VPS13D: variants seen among roughly 807,000 people sequenced by gnomAD.
VPS13D encodes the protein intermembrane lipid transfer protein VPS13D.
Under a neutral mutation model 461.9 loss-of-function variants are expected in VPS13D, and 187 were observed. The observed-to-expected ratio is 0.40, with a 90% CI of 0.36 to 0.46. The LOEUF (loss-of-function observed/expected upper bound fraction) is 0.46, where lower values mean the gene tolerates loss of function less well. Ranked by LOEUF, VPS13D falls within the 20% of genes least tolerant of loss-of-function variation. VPS13D has a pLI of 0.60. For synonymous variants in VPS13D, 1,951 were observed against 1,986.3 expected, an observed-to-expected ratio of 0.98 and a Z score of 0.47; for missense variants, 4,711 against 5,364.9, an observed-to-expected ratio of 0.88 and a Z score of 3.81.
intron 60 of VPS13D, among the ~76,000 whole-genome samples, chr1:12,389,760 GGT>G (rs1644398914): frequency 6.6e-6 from 1 of 152,146 alleles, no homozygotes; most frequent in Non-Finnish European, 1.5e-5. Flanking sequence ...ATTTTTTCCT[GGT>G]GGAGTGACCC....
intron 2 of VPS13D, among the ~76,000 whole-genome samples, chr1:12,242,091 C>T (rs962156160): frequency 6.6e-6 from 1 of 152,030 alleles, no homozygotes; most frequent in Admixed American, 6.6e-5. Flanking sequence ...AAGGAGAATA[C>T]GCAACAGACA....
At chr1:12,385,454 TTTTC>T in intron 59 of VPS13D, 81 bp downstream of exon 59, 2 of 1,156,094 alleles carry the variant, frequency 1.7e-6, no homozygotes, top group Non-Finnish European at 2.5e-6. Context: ...AGACCTTCTG[TTTTC>T]TTTCTATCCT....
At chr1:12,463,177 G>A (rs1029926607) in intron 67 of VPS13D, among the ~76,000 whole-genome samples, 6 of 152,192 alleles carry the variant, frequency 3.9e-5, no homozygotes, top group African/African-American at 1.4e-4. Flanking sequence ...TTGAGGCACA[G>A]CCGGTCTTCA....
intron 41 of VPS13D, 65 bp from the exon 42 acceptor site, chr1:12,342,834 G>A: frequency 6.5e-7 from 1 of 1,528,356 alleles, no homozygotes; most frequent in South Asian, 1.3e-5. Context: ...CTTCTGCACG[G>A]GGCTCCTGTG....
Position 12,506,868 on chromosome 1 carries a change from G to T in VPS13D, c.12810G>T (p.Glu4270Asp). The change falls in exon 69 of 70, where the codon GAG (glutamate) becomes GAT (aspartate). Residue 4270 changes from glutamate (E) to aspartate (D), a missense_variant. Coordinates refer to ENST00000620676, the MANE Select transcript of VPS13D (RefSeq NM_015378.4). ...CGCTTTGCAGCTTCATCGCTGTGGAGAACATTGACAGCTACTGCGTGCTCA... is the reference window on the plus strand; with the variant it reads ...CGCTTTGCAGCTTCATCGCTGTGGATAACATTGACAGCTACTGCGTGCTCA... ...NIQDEFFIAV[E>D]NIDSYCVLIS... 6.2e-7 allele frequency: 1 copy of T among 1,614,240 alleles called. No individual in the cohort carries two copies. Among genetic ancestry groups the T allele is most frequent in the Non-Finnish European group, 8.5e-7 (1 of 1,180,032 alleles).
Position 12,261,943 on chromosome 1 carries a change from T to C in VPS13D, c.1457T>C (p.Met486Thr), listed in dbSNP as rs1378870198. The C allele has an allele frequency of 1.1e-5, 17 of 1,613,832 alleles. No homozygotes were observed. In the South Asian group the frequency reaches 1.8e-4, roughly 17 times the overall value. The change falls in exon 13 of 70, where the codon ATG (methionine) becomes ACG (threonine). Residue 486 changes from methionine (M) to threonine (T), a missense_variant. Transcript: ENST00000620676. Reference protein sequence around the residue: ...FFDPTADASCMNTYTKRDHVF... With the variant: ...FFDPTADASCTNTYTKRDHVF... ...GACCCCACTGCAGATGCCTCGTGTA[T>C]GAACACGTATACAAAGCGAGATCAT... is the stretch of plus-strand genomic sequence containing the variant.
At chr1:12,242,614 A>G (rs1312196034) in intron 3 of VPS13D, 24 bp downstream of exon 3, 2 of 1,602,064 alleles carry the variant, frequency 1.2e-6, no homozygotes, top group Admixed American at 1.7e-5. Flanking sequence ...AAGGAGGGGG[A>G]AGAAATTTGA....
intron 6 of VPS13D, chr1:12,249,569 A>G: frequency 2.8e-6 from 1 of 362,712 alleles, no homozygotes; most frequent in Non-Finnish European, 4.9e-6. Flanking sequence ...ATACATGAAG[A>G]AACTGAGGGG....
At chr1:12,412,291 C>T (rs1238354440) in intron 63 of VPS13D, among the ~76,000 whole-genome samples, 2 of 152,178 alleles carry the variant, frequency 1.3e-5, no homozygotes, top group African/African-American at 4.8e-5. Context: ...TTTTTGGAAG[C>T]AAATTGACAA....
At chr1:12,488,703 T>C (rs912632835) in intron 67 of VPS13D, among the ~76,000 whole-genome samples, 33 of 134,234 alleles carry the variant, frequency 2.5e-4, no homozygotes, top group Non-Finnish European at 1.1e-4. Context: ...GTAGTGAAAA[T>C]GTATGGTTTA....
intron 65 of VPS13D, among the ~76,000 whole-genome samples, chr1:12,419,307 A>C (rs1453408541): frequency 6.6e-6 from 1 of 152,212 alleles, no homozygotes; most frequent in Non-Finnish European, 1.5e-5. Flanking sequence ...TCTTGCCTTT[A>C]ATAAGCTACT....
intron 60 of VPS13D, among the ~76,000 whole-genome samples, chr1:12,398,498 G>A (rs1330212608): frequency 2.6e-5 from 4 of 152,142 alleles, no homozygotes; most frequent in African/African-American, 7.2e-5. Flanking sequence ...ATATGATAGG[G>A]GGTGTGTGGA....
chr1:12,370,377 T>C (rs1356794918), intron 54 of VPS13D, among the ~76,000 whole-genome samples: 1 of 152,192 alleles, frequency 6.6e-6, no homozygotes, highest in Non-Finnish European at 1.5e-5. Context: ...TGTGAAGAAA[T>C]GGAAAATAGC....
In VPS13D at chr1:12,311,983, T is replaced by G. The variant is rs544078171; in HGVS notation, c.6935+58T>G. On this transcript the variant is annotated intron_variant, in intron 29 of 69. Coordinates refer to ENST00000620676, the MANE Select transcript of VPS13D (RefSeq NM_015378.4). ...TAACAGTATCCAAATAATACACATG[T>G]TTTGCATTGACACAGAGCAGAGGTT... is the stretch of plus-strand genomic sequence containing the variant. The G allele has an allele frequency of 2.2e-4, 310 of 1,416,650 alleles. 3 individuals are homozygous for G. The South Asian group carries it at 3.6e-3, about 16-fold the overall frequency. 87.8% of individuals were successfully genotyped at this position (1,416,650 alleles called of 1,614,324 possible). A position where few individuals can be genotyped will look rare whatever the true frequency, so the allele number is the denominator to read the frequency against.
intron 65 of VPS13D, among the ~76,000 whole-genome samples, chr1:12,437,911 G>C (rs184738740): frequency 1.3e-5 from 2 of 152,252 alleles, no homozygotes; most frequent in African/African-American, 4.8e-5. Context: ...TGGGCCCTTT[G>C]ACTCCTAAAA....
chr1:12,504,483 T>A (rs1646077949), intron 68 of VPS13D, among the ~76,000 whole-genome samples: 2 of 152,272 alleles, frequency 1.3e-5, no homozygotes, highest in African/African-American at 4.8e-5. Context: ...GTGACAGCAC[T>A]GCCTTCCTCC....
At chr1:12,413,477 GAGAA>G (rs971180832) in intron 63 of VPS13D, among the ~76,000 whole-genome samples, 2 of 152,012 alleles carry the variant, frequency 1.3e-5, no homozygotes, top group Non-Finnish European at 2.9e-5. Context: ...TTCTGTTTTT[GAGAA>G]AGAAAGAGTG....
chr1:12,259,056 T>G (rs543778790), intron 10 of VPS13D, among the ~76,000 whole-genome samples: 14 of 152,080 alleles, frequency 9.2e-5, no homozygotes, highest in Admixed American at 2.6e-4. Context: ...TTTTTTTTTT[T>G]TGTGTGACAA....
Position 12,291,011 on chromosome 1 carries a change from C to T in VPS13D, c.5739C>T (p.Ala1913=), listed in dbSNP as rs762903086. 5.0e-6 allele frequency: 8 copies of T among 1,610,966 alleles called. No individual in the cohort carries two copies. Among genetic ancestry groups the T allele is most frequent in the Non-Finnish European group, 6.8e-6 (8 of 1,179,078 alleles). The change falls in exon 23 of 70, where the codon GCC becomes GCT. Residue 1913 remains alanine, a synonymous_variant. Coordinates refer to ENST00000620676, the MANE Select transcript of VPS13D (RefSeq NM_015378.4). ...AHLEMIEGDL[A]LQGSIGSLSL... ...TATCATCCCTAGAGGGAGACCTGGCCTTACAGGGCAGCATTGGGAGTCTGT... is the reference window on the plus strand; with the variant it reads ...TATCATCCCTAGAGGGAGACCTGGCTTTACAGGGCAGCATTGGGAGTCTGT...
Sources: gnomAD v4.1 joint callset for allele counts (sites outside exome capture counted in the v4.1 genomes callset) on GRCh38, gnomAD v4.1.1 for gene constraint, MANE v1.5 for transcripts, NCBI Gene and HGNC (gene_info 2026-07-23, HGNC 2026-07-21) for gene names.